Variants in SDCCAG8 observed in about 807,000 individuals in gnomAD.
The protein encoded by SDCCAG8 is serologically defined colon cancer antigen 8.
Under a neutral mutation model 101.8 loss-of-function variants are expected in SDCCAG8, and 74 were observed. The observed-to-expected ratio is 0.73, with a 90% CI of 0.60 to 0.88. SDCCAG8 has a LOEUF of 0.88. Among genes scored for constraint, SDCCAG8 ranks in the 40% least tolerant of loss-of-function variants. The pLI is 0.00. For synonymous variants in SDCCAG8, 281 were observed against 292.9 expected (o/e 0.96, Z 0.41); for missense variants, 787 against 822.6 (o/e 0.96, Z 0.53).
In SDCCAG8 at chr1:243,378,300, C is replaced by T. The variant is rs115239922; in HGVS notation, c.1474-421C>T. ...ACCTTTAATTTGGGTTTTGAAACAC[C>T]CAAATGAAGCCATAAATTTATCTTT... On this transcript the variant is annotated intron_variant, in intron 12 of 17. Coordinates refer to ENST00000366541, the MANE Select transcript of SDCCAG8 (RefSeq NM_006642.5). Among the ~76,000 whole-genome samples, 660 of 151,740 alleles carry T rather than the reference C, an allele frequency of 4.3e-3. 4 individuals carry two copies. Among genetic ancestry groups the T allele is most frequent in the African/African-American group, 0.012 (514 of 41,420 alleles).
intron 6 of SDCCAG8, among the ~76,000 whole-genome samples, chr1:243,303,142 G>A (rs550724183): frequency 2.6e-5 from 4 of 152,276 alleles, no homozygotes; most frequent in South Asian, 2.1e-4. Context: ...CAGAAGATGA[G>A]TTGATGGAGA....
intron 6 of SDCCAG8, among the ~76,000 whole-genome samples, chr1:243,304,349 A>G (rs1216458422): frequency 6.6e-6 from 1 of 152,208 alleles, no homozygotes; most frequent in East Asian, 1.9e-4. Context: ...TCTAGCACAT[A>G]TTTATTATAT....
chr1:243,324,408 C>T (rs771270533), intron 9 of SDCCAG8, among the ~76,000 whole-genome samples: 6 of 146,950 alleles, frequency 4.1e-5, no homozygotes, highest in Non-Finnish European at 8.9e-5. Flanking sequence ...CTATGCCTAC[C>T]TTTTCATTCT....
rs576615075 is a variant in SDCCAG8 at position 243,447,121 on chromosome 1, C to T, written c.1985+20563C>T. Among the ~76,000 whole-genome samples the T allele has an allele frequency of 4.4e-3, 670 of 151,762 alleles. 4 individuals carry two copies. The highest frequency in any genetic ancestry group is 0.015 in the African/African-American group (641 of 41,388). On this transcript the variant is annotated intron_variant, in intron 16 of 17. Transcript: ENST00000366541. ...ACAAAAATTAGCCAGGCACAGTGGC[C>T]GTGTCTGTAATCCCAGCTACTCCAG...
chr1:243,265,171 A>G (rs2067489688), intron 1 of SDCCAG8, among the ~76,000 whole-genome samples: 1 of 152,214 alleles, frequency 6.6e-6, no homozygotes, highest in Non-Finnish European at 1.5e-5. Flanking sequence ...CTGTTATAGT[A>G]TATAATTATG....
At chr1:243,391,198 C>T (rs937051103) in intron 13 of SDCCAG8, among the ~76,000 whole-genome samples, 1 of 152,212 alleles carries the variant, frequency 6.6e-6, no homozygotes. Flanking sequence ...TTCCGTGATA[C>T]CCACAAAGTA....
intron 10 of SDCCAG8, chr1:243,338,809 A>C (rs1015200027): frequency 6.6e-6 from 1 of 152,340 alleles, no homozygotes; most frequent in Non-Finnish European, 1.5e-5. Context: ...TGCCCCTGTC[A>C]AAGTTTAAAG....
chr1:243,382,529 C>T (rs1318807100), intron 13 of SDCCAG8, among the ~76,000 whole-genome samples: 1 of 152,094 alleles, frequency 6.6e-6, no homozygotes, highest in Non-Finnish European at 1.5e-5. Flanking sequence ...ATGGCACTAC[C>T]ACACTTGAGT....
chr1:243,389,442 T>C (rs2078561205), intron 13 of SDCCAG8, among the ~76,000 whole-genome samples: 1 of 152,188 alleles, frequency 6.6e-6, no homozygotes, highest in African/African-American at 2.4e-5. Context: ...CATAGTGCTG[T>C]TCCAGCTGTG....
intron 10 of SDCCAG8, among the ~76,000 whole-genome samples, chr1:243,337,778 A>T (rs1053192656): frequency 1.3e-5 from 2 of 152,212 alleles, no homozygotes; most frequent in African/African-American, 4.8e-5. Context: ...TTGGCCCTTC[A>T]TGTTAGTAAA....
At chr1:243,415,426 T>G (rs2080504794) in intron 13 of SDCCAG8, among the ~76,000 whole-genome samples, 1 of 152,126 alleles carries the variant, frequency 6.6e-6, no homozygotes, top group African/African-American at 2.4e-5. Context: ...GAGAAAAAAG[T>G]TTTGTGTTTT....
intron 1 of SDCCAG8, among the ~76,000 whole-genome samples, chr1:243,260,975 C>T (rs1042699524): frequency 2.0e-5 from 3 of 152,084 alleles, no homozygotes; most frequent in Non-Finnish European, 4.4e-5. Flanking sequence ...TCTTGGATTC[C>T]CGTTTCCTCA....
At chr1:243,307,637 G>A in intron 7 of SDCCAG8, 4 of 1,135,324 alleles carry the variant, frequency 3.5e-6, no homozygotes, top group Non-Finnish European at 4.3e-6. Context: ...AAAATGATTT[G>A]GGATTTATAT....
intron 15 of SDCCAG8, among the ~76,000 whole-genome samples, chr1:243,423,754 G>T (rs2148035186): frequency 6.6e-6 from 1 of 152,134 alleles, no homozygotes; most frequent in Admixed American, 6.5e-5. Flanking sequence ...TTTTAAAAAA[G>T]CATGAGAGGC....
intron 9 of SDCCAG8, among the ~76,000 whole-genome samples, chr1:243,321,985 A>G (rs1201785940): frequency 6.6e-6 from 1 of 152,218 alleles, no homozygotes; most frequent in Non-Finnish European, 1.5e-5. Flanking sequence ...GCAGTGATGA[A>G]CATTTGAGTT....
chr1:243,308,987 C>G (rs1002020909), intron 8 of SDCCAG8, among the ~76,000 whole-genome samples: 2 of 152,144 alleles, frequency 1.3e-5, no homozygotes, highest in Non-Finnish European at 2.9e-5. Flanking sequence ...TCAGCTCTGC[C>G]CCATTTTGTC....
Position 243,294,704 on chromosome 1 carries a change from C to A in SDCCAG8, c.675+1485C>A, listed in dbSNP as rs10926983. ...ACTGTGACTTTCTAAATTCCCCCCC[C>A]CCCCCACAGCTGCCTTTGAACGTCC... On this transcript the variant is annotated intron_variant, in intron 6 of 17. Coordinates refer to ENST00000366541, the MANE Select transcript of SDCCAG8 (RefSeq NM_006642.5). 1.4e-3 allele frequency among the ~76,000 whole-genome samples: 170 copies of A among 123,606 alleles called. 4 individuals are homozygous for A. The highest frequency in any genetic ancestry group is 2.8e-3 in the Admixed American group (35 of 12,586). 81.1% of individuals were successfully genotyped at this position (123,606 alleles called of 152,430 possible).
At chr1:243,426,688 A>C (rs1282654852) in intron 16 of SDCCAG8, 130 bp downstream of exon 16, 2 of 1,131,280 alleles carry the variant, frequency 1.8e-6, no homozygotes, top group Admixed American at 3.6e-5. Context: ...TCAAAATCTA[A>C]TACTTTATTT....
At chr1:243,483,473 C>T (rs923949698) in intron 16 of SDCCAG8, among the ~76,000 whole-genome samples, 1 of 152,174 alleles carries the variant, frequency 6.6e-6, no homozygotes, top group Non-Finnish European at 1.5e-5. Context: ...CGCCCTCCTC[C>T]CTTGGGAAGT....
Sources: allele counts gnomAD v4.1 joint callset (sites outside exome capture counted in the v4.1 genomes callset), GRCh38; gene constraint gnomAD v4.1.1; transcripts MANE v1.5; gene names NCBI Gene and HGNC (gene_info 2026-07-23, HGNC 2026-07-21).